The following RABGAP1L variants were observed in gnomAD, a reference collection of about 807,000 sequenced individuals.
RABGAP1L encodes the protein RAB GTPase activating protein 1 like.
A neutral mutation model predicts 137.7 loss-of-function variants in RABGAP1L; 63 were observed. The observed-to-expected ratio is 0.46, with a 90% CI of 0.37 to 0.56. The LOEUF (loss-of-function observed/expected upper bound fraction) is 0.56, where lower values mean the gene tolerates loss of function less well. Ranked by LOEUF, RABGAP1L falls within the 20% of genes least tolerant of loss-of-function variation. The pLI is 0.00. For missense variants in RABGAP1L, 1,095 were observed against 1,244.0 expected, an observed-to-expected ratio of 0.88 and a Z score of 1.80; for synonymous variants, 431 against 433.7, an observed-to-expected ratio of 0.99 and a Z score of 0.08.
chr1:174,340,020 A>G (rs1018275533), intron 11 of RABGAP1L, among the ~76,000 whole-genome samples: 1 of 152,100 alleles, frequency 6.6e-6, no homozygotes, highest in Non-Finnish European at 1.5e-5. Context: ...TTATTTTTAA[A>G]TACTTCTATT....
At chr1:174,912,127 C>CTTTGTTTG (rs10638992) in intron 19 of RABGAP1L, among the ~76,000 whole-genome samples, 26 of 151,152 alleles carry the variant, frequency 1.7e-4, no homozygotes, top group African/African-American at 2.9e-4. Flanking sequence ...CATTAAATTC[C>CTTTGTTTG]TTTGTTTGTT....
intron 14 of RABGAP1L, among the ~76,000 whole-genome samples, chr1:174,649,361 G>C (rs1263758505): frequency 1.3e-5 from 2 of 151,988 alleles, no homozygotes; most frequent in Non-Finnish European, 2.9e-5. Context: ...TCCATATTTA[G>C]TGCTTCCTTC....
rs1229350787 is a variant in RABGAP1L, at chr1:174,917,930, C to CT, written c.2341-39525dup. ...CCTGGGTGACAGAGTGAGACTCTGT[C>CT]TTAAAAAAAAAAAAAAAAAAGCCCA... On this transcript the variant is annotated intron_variant, in intron 19 of 25. Transcript: ENST00000681986. Among the ~76,000 whole-genome samples the CT allele has an allele frequency of 2.2e-3, 241 of 108,134 alleles. 1 individual carries two copies. The highest frequency in any genetic ancestry group is 7.7e-3 in the African/African-American group (232 of 30,032). The allele number at this position is 108,134 out of a possible 152,430, so 70.9% of individuals were successfully genotyped here. A position where few individuals can be genotyped will look rare whatever the true frequency, so the allele number is the denominator to read the frequency against.
At chr1:174,349,325 C>G (rs1682806677) in intron 11 of RABGAP1L, among the ~76,000 whole-genome samples, 1 of 126,670 alleles carries the variant, frequency 7.9e-6, no homozygotes, top group Admixed American at 7.3e-5. Context: ...CGCCCCTCAC[C>G]TCCCGGATGG....
chr1:174,642,388 T>C (rs1292147252), intron 14 of RABGAP1L, among the ~76,000 whole-genome samples: 1 of 152,210 alleles, frequency 6.6e-6, no homozygotes, highest in African/African-American at 2.4e-5. Flanking sequence ...TGATGAGTTA[T>C]CTGCTGCATA....
intron 19 of RABGAP1L, among the ~76,000 whole-genome samples, chr1:174,937,909 C>T (rs1665174973): frequency 6.7e-6 from 1 of 150,070 alleles, no homozygotes; most frequent in African/African-American, 2.5e-5. Context: ...GATGGGGTTT[C>T]ATCATGTTGG....
chr1:174,590,332 T>G (rs1022468192), intron 13 of RABGAP1L, among the ~76,000 whole-genome samples: 1 of 140,678 alleles, frequency 7.1e-6, no homozygotes, highest in African/African-American at 2.7e-5. Context: ...TATTGTTTTT[T>G]TTTCTTTTTT....
At chr1:174,361,776 T>C (rs1274470394) in intron 11 of RABGAP1L, among the ~76,000 whole-genome samples, 1 of 152,200 alleles carries the variant, frequency 6.6e-6, no homozygotes, top group Non-Finnish European at 1.5e-5. Context: ...TTATTTTTAC[T>C]TTTTTAAAAA....
intron 13 of RABGAP1L, among the ~76,000 whole-genome samples, chr1:174,560,571 CTTTTA>C (rs748647973): frequency 3.9e-5 from 6 of 152,088 alleles, no homozygotes; most frequent in Non-Finnish European, 7.4e-5. Flanking sequence ...CTTTTTTCAG[CTTTTA>C]TTTTAGCTTC....
chr1:174,603,248 A>G (rs1335694508), intron 13 of RABGAP1L, among the ~76,000 whole-genome samples: 2 of 152,070 alleles, frequency 1.3e-5, no homozygotes, highest in African/African-American at 4.8e-5. Context: ...GATCCAAGAT[A>G]ATTTTCTGGA....
intron 13 of RABGAP1L, among the ~76,000 whole-genome samples, chr1:174,421,109 T>C (rs1433531891): frequency 6.6e-6 from 1 of 152,188 alleles, no homozygotes; most frequent in Admixed American, 6.5e-5. Flanking sequence ...TAGGGACCCT[T>C]CTGGGACAGA....
At chr1:174,677,019 C>T (rs746103081) in intron 14 of RABGAP1L, among the ~76,000 whole-genome samples, 47 of 152,032 alleles carry the variant, frequency 3.1e-4, no homozygotes, top group African/African-American at 9.7e-4. Context: ...GTCCCACTTA[C>T]GGCATAAGTA....
chr1:174,448,905 TGGTTTTGTTTA>T lies in RABGAP1L; in HGVS notation c.1710+54763_1710+54773del. ...CACAGCCCTGACCGTCGCTACGCCA[TGGTTTTGTTTA>T]GGATAACCAGTGTATTTTATATGCT... On this transcript the variant is annotated intron_variant, in intron 13 of 25. Coordinates refer to ENST00000681986, the MANE Select transcript of RABGAP1L (RefSeq NM_001366446.1). This position sits in a 1 kb window ranked among gnomAD's most constrained non-coding sequence, Gnocchi z 4.2. 6.2e-7 allele frequency: 1 copy of T among 1,613,756 alleles called. No homozygotes were observed. Among genetic ancestry groups the T allele is most frequent in the Non-Finnish European group, 8.5e-7 (1 of 1,179,618 alleles).
At chr1:174,322,020 C>A (rs912689701) in intron 11 of RABGAP1L, among the ~76,000 whole-genome samples, 1 of 151,950 alleles carries the variant, frequency 6.6e-6, no homozygotes, top group Non-Finnish European at 1.5e-5. Context: ...GCACATATTT[C>A]TTTCATTCTG....
At chr1:174,976,301 G>A (rs545219065) in intron 22 of RABGAP1L, 119 bp downstream of exon 22, 35 of 835,184 alleles carry the variant, frequency 4.2e-5, no homozygotes, top group Non-Finnish European at 4.6e-5. Flanking sequence ...AAGCAGTAAT[G>A]TAAGTAGTTG....
rs190025355 is a variant in RABGAP1L, at chr1:174,868,483, A to C, written c.2340+56523A>C. Among the ~76,000 whole-genome samples the C allele has an allele frequency of 3.6e-3, 543 of 152,228 alleles. 5 individuals carry two copies. Among genetic ancestry groups the C allele is most frequent in the African/African-American group, 0.012 (518 of 41,538 alleles). On this transcript the variant is annotated intron_variant, in intron 19 of 25. Transcript: ENST00000681986. ...TGAAGTGGTTTGTTGGTCAGTTCTT[A>C]GTTTCTGAGTTAGCTGCTACTCTAA...
intron 12 of RABGAP1L, among the ~76,000 whole-genome samples, chr1:174,385,449 G>A (rs1027734407): frequency 6.6e-6 from 1 of 152,168 alleles, no homozygotes; most frequent in Non-Finnish European, 1.5e-5. Context: ...GTAACATTGA[G>A]TTCAAGGAAA....
At chr1:174,285,154 T>G (rs889802520) in intron 10 of RABGAP1L, among the ~76,000 whole-genome samples, 1 of 152,026 alleles carries the variant, frequency 6.6e-6, no homozygotes, top group Non-Finnish European at 1.5e-5. Flanking sequence ...GTAGCTGGGA[T>G]TACAGGTGCT....
intron 7 of RABGAP1L, among the ~76,000 whole-genome samples, chr1:174,257,946 C>T (rs968538845): frequency 5.9e-5 from 9 of 152,196 alleles, no homozygotes; most frequent in African/African-American, 2.2e-4. Context: ...CAACCTTGGA[C>T]TCATATATCC....
Sources: gnomAD v4.1 joint callset for allele counts (sites outside exome capture counted in the v4.1 genomes callset) on GRCh38, gnomAD v4.1.1 for gene constraint, Gnocchi (gnomAD v3.1) non-coding constraint, MANE v1.5 for transcripts, NCBI Gene and HGNC (gene_info 2026-07-23, HGNC 2026-07-21) for gene names.